The following LRP1B variants were observed in gnomAD, a reference collection of about 807,000 sequenced individuals.
The protein encoded by LRP1B is low-density lipoprotein receptor-related protein 1B.
A neutral mutation model predicts 556.6 loss-of-function variants in LRP1B; 217 were observed. The ratio of observed to expected loss-of-function variants is 0.39; its 90% CI spans 0.35 to 0.44. The LOEUF (loss-of-function observed/expected upper bound fraction) is 0.44. Among genes scored for constraint, LRP1B ranks in the 20% least tolerant of loss-of-function variants. The pLI is 1.00. For synonymous variants in LRP1B, 2,047 were observed against 1,865.8 expected, an observed-to-expected ratio of 1.10 and a Z score of -2.50; for missense variants, 5,053 against 5,620.8, an observed-to-expected ratio of 0.90 and a Z score of 3.23.
At chr2:141,589,422 G>A (rs148681402) in intron 2 of LRP1B, among the ~76,000 whole-genome samples, 80 of 152,118 alleles carry the variant, frequency 5.3e-4, no homozygotes, top group African/African-American at 1.9e-3. Context: ...TTTATAGCTC[G>A]GTTCTTGTGA....
At chr2:141,450,585 T>A (rs116328975) in intron 3 of LRP1B, among the ~76,000 whole-genome samples, 175 of 151,104 alleles carry the variant, frequency 1.2e-3, no homozygotes, top group African/African-American at 4.2e-3. Flanking sequence ...TAAAAAAAAA[T>A]ATATATATAT....
chr2:140,835,701 C>A (rs369457337), intron 31 of LRP1B, among the ~76,000 whole-genome samples: 37 of 152,028 alleles, frequency 2.4e-4, no homozygotes, highest in East Asian at 1.7e-3. Context: ...CCACGTCTGG[C>A]TAATGTTTTG....
At chr2:140,305,657 C>T (rs1347306054) in intron 83 of LRP1B, among the ~76,000 whole-genome samples, 2 of 152,044 alleles carry the variant, frequency 1.3e-5, no homozygotes, top group African/African-American at 4.8e-5. Context: ...TTTCTCCTGC[C>T]TGATTGCCCT....
intron 35 of LRP1B, among the ~76,000 whole-genome samples, chr2:140,759,245 C>G (rs1019655091): frequency 5.3e-5 from 8 of 152,088 alleles, no homozygotes; most frequent in Non-Finnish European, 1.0e-4. Flanking sequence ...AGTCAAAAAG[C>G]TGGCACAGAT....
chr2:141,493,876 T>C (rs923456057), intron 2 of LRP1B, among the ~76,000 whole-genome samples: 1 of 152,222 alleles, frequency 6.6e-6, no homozygotes, highest in Non-Finnish European at 1.5e-5. Flanking sequence ...AGAATACTTA[T>C]TCACTTGACC....
intron 3 of LRP1B, among the ~76,000 whole-genome samples, chr2:141,294,489 A>G (rs1250237814): frequency 6.6e-6 from 1 of 152,038 alleles, no homozygotes; most frequent in Non-Finnish European, 1.5e-5. Flanking sequence ...CTGGGAGGCC[A>G]TGGTGGGAGG....
intron 3 of LRP1B, among the ~76,000 whole-genome samples, chr2:141,359,099 T>C (rs1053231597): frequency 6.6e-6 from 1 of 152,078 alleles, no homozygotes; most frequent in African/African-American, 2.4e-5. Flanking sequence ...TAGCAGCTTA[T>C]GTACCATGTG....
intron 4 of LRP1B, among the ~76,000 whole-genome samples, chr2:141,253,480 G>A (rs188325004): frequency 1.4e-3 from 211 of 152,216 alleles, no homozygotes; most frequent in Admixed American, 3.5e-3. Flanking sequence ...AAATGTAACT[G>A]AAAAGTCAAT....
Position 140,837,362 on chromosome 2 carries a change from G to A in LRP1B, c.5209+2629C>T, listed in dbSNP as rs895196112. On this transcript the variant is annotated intron_variant, in intron 31 of 90. Coordinates refer to ENST00000389484, the MANE Select transcript of LRP1B (RefSeq NM_018557.3). ...GACAGTGTCAAATTTTTATCAACAG[G>A]CCTAGTGCAAAATCCGATACTCAAT... Among the ~76,000 whole-genome samples, 7 of 151,944 alleles carry A rather than the reference G, an allele frequency of 4.6e-5. 1 individual carries two copies. The East Asian group carries it at 9.6e-4, about 21-fold the overall frequency.
chr2:141,796,863 T>C (rs1695829998), intron 2 of LRP1B, among the ~76,000 whole-genome samples: 1 of 151,728 alleles, frequency 6.6e-6, no homozygotes, highest in Non-Finnish European at 1.5e-5. Context: ...AGGGTCTACT[T>C]TCCCTTTTGA....
In LRP1B at chr2:140,510,020, T is replaced by C; in HGVS notation, c.8306A>G (p.Gln2769Arg). Reference sequence around the variant, plus strand: ...TCGGGGCACGCAGGCACGAGAGCCCTGGCAGCTGAACATGTCAGCAGCACA... The same window carrying C: ...TCGGGGCACGCAGGCACGAGAGCCCCGGCAGCTGAACATGTCAGCAGCACA... ...ITCAADMFSC[Q>R]GSRACVPRHW... Residue 2769 changes from glutamine (Q) to arginine (R), a missense_variant, in exon 52 of 91, where the codon CAG becomes CGG. Gln to Arg is a conservative substitution (Grantham distance 43). Transcript: ENST00000389484. 2.5e-6 allele frequency: 4 copies of C among 1,613,964 alleles called. No individual in the cohort carries two copies. Among genetic ancestry groups the C allele is most frequent in the Non-Finnish European group, 2.5e-6 (3 of 1,180,020 alleles).
At chr2:141,847,947 G>A (rs755804983) in intron 1 of LRP1B, among the ~76,000 whole-genome samples, 15 of 151,368 alleles carry the variant, frequency 9.9e-5, no homozygotes, top group Admixed American at 5.3e-4. Flanking sequence ...TCTAACAGAG[G>A]GCTGATTTTT....
chr2:142,065,671 G>A (rs867484685), intron 1 of LRP1B, among the ~76,000 whole-genome samples: 10 of 149,654 alleles, frequency 6.7e-5, no homozygotes, highest in Admixed American at 2.7e-4. Flanking sequence ...GTGGCAGCAG[G>A]GAGGGCATTA....
At chr2:142,012,324 T>C (rs1373235148) in intron 1 of LRP1B, among the ~76,000 whole-genome samples, 1 of 152,120 alleles carries the variant, frequency 6.6e-6, no homozygotes, top group Non-Finnish European at 1.5e-5. Context: ...TAATTTTTAG[T>C]TTAGATTCTC....
At chr2:141,495,853 A>G (rs1270645702) in intron 2 of LRP1B, among the ~76,000 whole-genome samples, 1 of 152,018 alleles carries the variant, frequency 6.6e-6, no homozygotes, top group African/African-American at 2.4e-5. Flanking sequence ...TCTCTGCAAC[A>G]TTTTTCTTGT....
rs1039160899 is a variant in LRP1B at position 141,397,983 on chromosome 2, C to G, written c.343+82413G>C. On this transcript the variant is annotated intron_variant, in intron 3 of 90. Transcript: ENST00000389484. The stretch of plus-strand genomic sequence containing the variant: ...TAGATGGGAAAGTATATACATAGAC[C>G]TATACTTTCACTTCAGATAACACTG... 2.6e-5 allele frequency among the ~76,000 whole-genome samples: 4 copies of G among 151,832 alleles called. No individual in the cohort carries two copies. In the East Asian group the frequency reaches 7.7e-4, roughly 29 times the overall value.
At chr2:141,358,507 G>T (rs374582965) in intron 3 of LRP1B, among the ~76,000 whole-genome samples, 1 of 152,138 alleles carries the variant, frequency 6.6e-6, no homozygotes, top group African/African-American at 2.4e-5. Flanking sequence ...AAAGGAGAAT[G>T]GAGAAATACC....
intron 35 of LRP1B, among the ~76,000 whole-genome samples, chr2:140,734,937 G>A (rs577553538): frequency 4.6e-5 from 7 of 152,214 alleles, no homozygotes; most frequent in South Asian, 2.1e-4. Flanking sequence ...GATCTGCCTC[G>A]CAGACAACTC....
chr2:141,890,348 A>ATATATATATATG (rs1558942768), intron 1 of LRP1B, among the ~76,000 whole-genome samples: 2 of 131,528 alleles, frequency 1.5e-5, no homozygotes, highest in African/African-American at 5.8e-5. Context: ...ATATATATAT[A>ATATATATATATG]TATGTATTGT....
Sources: gnomAD v4.1 joint callset for allele counts (sites outside exome capture counted in the v4.1 genomes callset) on GRCh38, gnomAD v4.1.1 for gene constraint, MANE v1.5 for transcripts, NCBI Gene and HGNC (gene_info 2026-07-23, HGNC 2026-07-21) for gene names.